RIC1: variants seen among roughly 807,000 people sequenced by gnomAD.
RIC1 encodes the protein RIC1 partner of RAB6A GEF complex, also known as guanine nucleotide exchange factor subunit RIC1.
In RIC1, 88 loss-of-function variants were observed where a neutral mutation model predicts 169.0. The observed-to-expected ratio is 0.52, with a 90% CI of 0.44 to 0.62. The LOEUF (loss-of-function observed/expected upper bound fraction) is 0.62. Ranked by LOEUF, RIC1 falls within the 20% of genes least tolerant of loss-of-function variation. RIC1 has a pLI of 0.00. For missense variants in RIC1, 1,877 were observed against 1,725.5 expected (o/e 1.09, Z -1.56); for synonymous variants, 790 against 601.5 (o/e 1.31, Z -4.59).
chr9:5,637,616 C>T (rs556389288), intron 1 of RIC1, among the ~76,000 whole-genome samples: 15 of 152,260 alleles, frequency 9.9e-5, no homozygotes, highest in Admixed American at 2.6e-4. Context: ...CCCCAGTTAC[C>T]TTTCTCAGCC....
At chr9:5,637,715 T>G (rs1586859361) in intron 1 of RIC1, among the ~76,000 whole-genome samples, 1 of 152,370 alleles carries the variant, frequency 6.6e-6, no homozygotes, top group East Asian at 1.9e-4. Context: ...ATGCGATGTT[T>G]GTCTCTCTAT....
chr9:5,759,226 G>A (rs1470435929), intron 17 of RIC1, among the ~76,000 whole-genome samples: 2 of 152,132 alleles, frequency 1.3e-5, no homozygotes, highest in Non-Finnish European at 1.5e-5. Flanking sequence ...GCAGTCCTGA[G>A]GAACTAATCA....
intron 3 of RIC1, among the ~76,000 whole-genome samples, chr9:5,694,899 A>G (rs1343361901): frequency 2.0e-5 from 3 of 152,190 alleles, no homozygotes; most frequent in African/African-American, 7.2e-5. Context: ...CCATTTAAAA[A>G]GTATTGAATT....
chr9:5,755,617 A>G (rs1563953541), intron 15 of RIC1, among the ~76,000 whole-genome samples: 1 of 152,184 alleles, frequency 6.6e-6, no homozygotes, highest in Non-Finnish European at 1.5e-5. Context: ...CTTATTATGT[A>G]TCAGGTCTAA....
In RIC1 at chr9:5,738,937, C is replaced by T. The variant is rs140257358; in HGVS notation, c.901+399C>T. Among the ~76,000 whole-genome samples the T allele has an allele frequency of 1.0e-3, 153 of 152,180 alleles. 1 individual carries two copies. The highest frequency in any genetic ancestry group is 7.7e-3 in the South Asian group (37 of 4,816). The stretch of plus-strand genomic sequence containing the variant: ...CACCTTACCTTTGATAGTTGAGTGC[C>T]GTCACTTGGCCCCTGCTACCTCCGG... On this transcript the variant is annotated intron_variant, in intron 8 of 25. Transcript: ENST00000414202.
intron 14 of RIC1, among the ~76,000 whole-genome samples, chr9:5,754,449 G>C (rs541142258): frequency 1.7e-4 from 26 of 152,208 alleles, no homozygotes; most frequent in African/African-American, 5.8e-4. Flanking sequence ...ATCTTTGGCT[G>C]GGCGTGTGGT....
At chr9:5,705,933 G>T (rs1402561595) in intron 3 of RIC1, among the ~76,000 whole-genome samples, 1 of 152,052 alleles carries the variant, frequency 6.6e-6, no homozygotes, top group Non-Finnish European at 1.5e-5. Context: ...CTATTAATAT[G>T]ATTACATTGT....
chr9:5,665,885 G>A (rs967359564), intron 2 of RIC1, among the ~76,000 whole-genome samples: 1 of 152,180 alleles, frequency 6.6e-6, no homozygotes, highest in African/African-American at 2.4e-5. Context: ...GGAGACCTCT[G>A]TTGGGAGATG....
intron 3 of RIC1, among the ~76,000 whole-genome samples, chr9:5,708,177 G>C (rs911646886): frequency 1.3e-5 from 2 of 151,934 alleles, no homozygotes; most frequent in Non-Finnish European, 2.9e-5. Context: ...CTATGTTCCC[G>C]TACATCTCCC....
intron 3 of RIC1, among the ~76,000 whole-genome samples, chr9:5,698,302 A>G (rs1053847282): frequency 4.6e-5 from 7 of 152,076 alleles, no homozygotes; most frequent in Non-Finnish European, 8.8e-5. Context: ...TACACTTGGT[A>G]TTGTGGTTTG....
chr9:5,630,521 G>T (rs751022015), intron 1 of RIC1, among the ~76,000 whole-genome samples: 25 of 152,158 alleles, frequency 1.6e-4, no homozygotes, highest in Non-Finnish European at 3.4e-4. Flanking sequence ...TAATGCCCTT[G>T]ACAGTCCTCA....
intron 6 of RIC1, among the ~76,000 whole-genome samples, chr9:5,725,870 G>T (rs576828268): frequency 3.0e-3 from 454 of 152,300 alleles, no homozygotes; most frequent in Non-Finnish European, 5.4e-3. Context: ...GAGTGGTTTT[G>T]AGTGAGTTTC....
In RIC1 at chr9:5,774,128, G is replaced by T; in HGVS notation, c.4154G>T (p.Ser1385Ile). The change falls in exon 26 of 26, where the codon AGC (serine) becomes ATC (isoleucine). Residue 1385 changes from serine (S) to isoleucine (I), a missense_variant. Coordinates refer to ENST00000414202, the MANE Select transcript of RIC1 (RefSeq NM_020829.4). The stretch of plus-strand genomic sequence containing the variant: ...AGCAGGGGCTCCTCCAGCCATGGAA[G>T]CATCCCCCAGGGTGAAGTTGGAAGC... ...EESRGSSSHG[S>I]IPQGEVGSSN... 1.9e-6 allele frequency: 3 copies of T among 1,614,100 alleles called. No individual in the cohort carries two copies. Among genetic ancestry groups the T allele is most frequent in the Non-Finnish European group, 2.5e-6 (3 of 1,179,994 alleles).
chr9:5,629,429 C>T lies in RIC1; in HGVS notation c.120C>T (p.Ala40=), dbSNP rs567999533. Reference sequence around the variant, plus strand: ...CTTTCTTCGCCGTGCTGGCCGCGGCCCGCCTCAGCATCTGGTACAGCCGAG... The same window carrying T: ...CTTTCTTCGCCGTGCTGGCCGCGGCTCGCCTCAGCATCTGGTACAGCCGAG... ...QRAFFAVLAA[A]RLSIWYSRPS... Residue 40 remains alanine (A), a synonymous_variant, in exon 1 of 26, where the codon GCC becomes GCT. Coordinates refer to ENST00000414202, the MANE Select transcript of RIC1 (RefSeq NM_020829.4). The T allele has an allele frequency of 4.3e-5, 66 of 1,533,696 alleles. No homozygotes were observed. The highest frequency in any genetic ancestry group is 5.4e-5 in the Non-Finnish European group (62 of 1,146,036).
intron 7 of RIC1, among the ~76,000 whole-genome samples, chr9:5,733,605 A>G (rs1222275850): frequency 6.6e-6 from 1 of 151,956 alleles, no homozygotes; most frequent in African/African-American, 2.4e-5. Context: ...AATCACTTTC[A>G]TTACACTCTT....
At chr9:5,708,883 T>A (rs1822760231) in intron 3 of RIC1, among the ~76,000 whole-genome samples, 1 of 149,030 alleles carries the variant, frequency 6.7e-6, no homozygotes, top group South Asian at 2.1e-4. Context: ...ATTTATGATG[T>A]TGTTCCCATA....
intron 22 of RIC1, chr9:5,769,518 A>T (rs1255389024): frequency 7.9e-7 from 1 of 1,271,266 alleles, no homozygotes; most frequent in Non-Finnish European, 1.0e-6. Context: ...GAAGTTGAGA[A>T]CTGCCTGAAT....
chr9:5,634,105 T>C (rs899608537), intron 1 of RIC1, among the ~76,000 whole-genome samples: 5 of 152,214 alleles, frequency 3.3e-5, no homozygotes, highest in East Asian at 1.9e-4. Flanking sequence ...TGTATGTGTG[T>C]GTGTTACATT....
At chr9:5,647,121 A>G (rs889028250) in intron 1 of RIC1, among the ~76,000 whole-genome samples, 6 of 152,066 alleles carry the variant, frequency 3.9e-5, no homozygotes, top group Non-Finnish European at 5.9e-5. Context: ...TAATTTGACT[A>G]TTTATGCAAG....
Sources: allele counts gnomAD v4.1 joint callset (sites outside exome capture counted in the v4.1 genomes callset), GRCh38; gene constraint gnomAD v4.1.1; transcripts MANE v1.5; gene names NCBI Gene and HGNC (gene_info 2026-07-23, HGNC 2026-07-21).